KLHL15: variants seen among roughly 807,000 people sequenced by gnomAD.
KLHL15 encodes the protein kelch like family member 15.
KLHL15 carries 1 observed loss-of-function variant against 29.3 expected under a neutral mutation model. That is an observed-to-expected ratio of 0.03 (90% CI 0.01 to 0.16). The LOEUF (loss-of-function observed/expected upper bound fraction) is 0.16, where lower values mean the gene tolerates loss of function less well. Ranked by LOEUF, KLHL15 falls within the 10% of genes least tolerant of loss-of-function variation. The probability of loss-of-function intolerance (pLI) is 1.00; values close to 1 mark genes in which losing one functional copy is unlikely to be tolerated. For missense variants in KLHL15, 215 were observed against 478.5 expected (o/e 0.45, Z 5.14); for synonymous variants, 212 against 184.5 (o/e 1.15, Z -1.21).
intron 3 of KLHL15, among the ~76,000 whole-genome samples, chrX:23,995,406 CAAAAAAAA>C (rs144296339): frequency 2.9e-5 from 1 of 34,790 alleles, no homozygotes; most frequent in Non-Finnish European, 5.1e-5. Context: ...GACTCTGTCT[CAAAAAAAA>C]AAAAAAAAAA....
intron 3 of KLHL15, among the ~76,000 whole-genome samples, chrX:23,999,464 G>A (rs753795667): frequency 2.8e-5 from 3 of 108,510 alleles, no homozygotes; most frequent in East Asian, 5.9e-4. Context: ...GCGCGGTGGC[G>A]GGCGCCTGTA....
At position 24,025,017 on chromosome X, in the gene KLHL15, G is replaced by A. The variant is rs768159231; in HGVS notation, c.-168C>T. 18 of 297,060 alleles carry A rather than the reference G, an allele frequency of 6.1e-5. No homozygotes were observed. The highest frequency in any genetic ancestry group is 4.3e-4 in the African/African-American group (16 of 37,053). 24.5% of individuals were successfully genotyped at this position (297,060 alleles called of 1,213,427 possible). ...CCGGCACGAGCCGGGTCGCTCCGGC[G>A]GGGCACGAGAGTGCTCGCCTGCAGC... On this transcript the variant is annotated 5_prime_UTR_variant, in exon 2 of 4. Transcript: ENST00000328046.
chrX:24,001,802 CAAAAAAAAAAAA>C (rs766669649), intron 3 of KLHL15, among the ~76,000 whole-genome samples: 2 of 22,668 alleles, frequency 8.8e-5, no homozygotes, highest in African/African-American at 1.6e-4. Context: ...AGACTTGACT[CAAAAAAAAAAAA>C]AAAAAAAAAA....
Position 24,016,386 on chromosome X carries a change from C to CAGGTG in KLHL15, c.-8+8466_-8+8470dup, listed in dbSNP as rs1473311322. Among the ~76,000 whole-genome samples the CAGGTG allele has an allele frequency of 5.1e-5, 5 of 97,778 alleles. No individual in the cohort carries two copies. In the Admixed American group the frequency reaches 5.8e-4, roughly 11 times the overall value. 84.9% of individuals were successfully genotyped at this position (97,778 alleles called of 115,157 possible). A position where few individuals can be genotyped will look rare whatever the true frequency, so the allele number is the denominator to read the frequency against. On this transcript the variant is annotated intron_variant, in intron 2 of 3. Transcript: ENST00000328046. ...AAAAAAAAGGGGGGGTATACTTGGC[C>CAGGTG]AGGTGCAGTGGCTCATGCCTGTAAT...
chrX:24,020,783 A>G (rs1252765336), intron 2 of KLHL15, among the ~76,000 whole-genome samples: 1 of 112,099 alleles, frequency 8.9e-6, no homozygotes, highest in Non-Finnish European at 1.9e-5. Context: ...TAAAACCCCA[A>G]ATCTTCTAAG....
intron 2 of KLHL15, among the ~76,000 whole-genome samples, chrX:24,008,319 C>T (rs1055509972): frequency 8.9e-6 from 1 of 111,957 alleles, no homozygotes; most frequent in Non-Finnish European, 1.9e-5. Context: ...CGGCTCACTA[C>T]AACCTCCGCC....
At chrX:24,005,599 G>A (rs1422660607) in intron 3 of KLHL15, among the ~76,000 whole-genome samples, 1 of 111,671 alleles carries the variant, frequency 9.0e-6, no homozygotes, top group Non-Finnish European at 1.9e-5. Flanking sequence ...ATTTCTGCAT[G>A]TATTACTTAA....
intron 2 of KLHL15, among the ~76,000 whole-genome samples, chrX:24,017,351 C>T (rs1011467234): frequency 6.3e-5 from 7 of 111,046 alleles, no homozygotes; most frequent in African/African-American, 2.3e-4. Flanking sequence ...GGTTTCCATC[C>T]ATACATTACT....
intron 2 of KLHL15, among the ~76,000 whole-genome samples, chrX:24,012,262 T>A (rs181878467): frequency 1.8e-5 from 2 of 112,906 alleles, no homozygotes; most frequent in Admixed American, 1.9e-4. Context: ...AGTGTATTAC[T>A]GCTTTTAAAA....
chrX:24,023,697 AATG>A (rs2147113206), intron 2 of KLHL15, among the ~76,000 whole-genome samples: 1 of 112,380 alleles, frequency 8.9e-6, no homozygotes, highest in East Asian at 2.8e-4. Context: ...ATTAATCAGC[AATG>A]AAGAGTGCAA....
At chrX:24,010,915 G>A (rs1929559747) in intron 2 of KLHL15, among the ~76,000 whole-genome samples, 1 of 110,917 alleles carries the variant, frequency 9.0e-6, no homozygotes, top group African/African-American at 3.3e-5. Context: ...GCCAGGTACT[G>A]TGTTAGGTAT....
At chrX:23,999,621 A>C (rs1244718558) in intron 3 of KLHL15, among the ~76,000 whole-genome samples, 5 of 107,496 alleles carry the variant, frequency 4.7e-5, no homozygotes, top group African/African-American at 1.7e-4. Context: ...AGAGAGAATC[A>C]GCAAGTAAGA....
At chrX:24,022,411 A>T (rs1929828360) in intron 2 of KLHL15, among the ~76,000 whole-genome samples, 1 of 103,310 alleles carries the variant, frequency 9.7e-6, no homozygotes. Flanking sequence ...AGGCGGGTAG[A>T]TCACTTGAGT....
At chrX:24,015,568 A>C (rs1334119333) in intron 2 of KLHL15, among the ~76,000 whole-genome samples, 1 of 112,582 alleles carries the variant, frequency 8.9e-6, no homozygotes, top group Non-Finnish European at 1.9e-5. Flanking sequence ...TAAGTGACCA[A>C]CATGATAGAG....
At chrX:23,997,766 TA>T (rs200213759) in intron 3 of KLHL15, among the ~76,000 whole-genome samples, 4 of 103,112 alleles carry the variant, frequency 3.9e-5, no homozygotes, top group East Asian at 6.1e-4. Context: ...TTTTTTTTTT[TA>T]AATTTTAGAA....
At chrX:24,003,844 C>G (rs1324231544) in intron 3 of KLHL15, among the ~76,000 whole-genome samples, 1 of 106,986 alleles carries the variant, frequency 9.3e-6, no homozygotes, top group African/African-American at 3.4e-5. Context: ...TCCCAGCACT[C>G]TGGGAGGCCG....
chrX:24,003,957 T>TA (rs373003607), intron 3 of KLHL15, among the ~76,000 whole-genome samples: 20,026 of 86,016 alleles, frequency 0.23, 2,824 homozygotes, highest in African/African-American at 0.49. Context: ...AAAAGTATAC[T>TA]AAAAAAAAAA....
At chrX:24,020,922 T>C (rs1381596316) in intron 2 of KLHL15, among the ~76,000 whole-genome samples, 1 of 102,243 alleles carries the variant, frequency 9.8e-6, no homozygotes, top group African/African-American at 3.4e-5. Context: ...AAATCATTAG[T>C]CTATAATATA....
chrX:24,018,656 C>A (rs1929741592), intron 2 of KLHL15, among the ~76,000 whole-genome samples: 1 of 111,019 alleles, frequency 9.0e-6, no homozygotes, highest in South Asian at 3.8e-4. Flanking sequence ...GATCCCAGTC[C>A]CCACTAAAGG....
Sources: allele counts gnomAD v4.1 joint callset (sites outside exome capture counted in the v4.1 genomes callset), GRCh38; gene constraint gnomAD v4.1.1; transcripts MANE v1.5; gene names NCBI Gene and HGNC (gene_info 2026-07-23, HGNC 2026-07-21).